Variants in ABCC9 observed in about 807,000 individuals in gnomAD.
ABCC9 encodes ATP-binding cassette sub-family C member 9.
A neutral mutation model predicts 188.3 loss-of-function variants in ABCC9; 95 were observed. The ratio of observed to expected loss-of-function variants is 0.50; its 90% confidence interval spans 0.43 to 0.60. The LOEUF (loss-of-function observed/expected upper bound fraction) is 0.60. Ranked by LOEUF, ABCC9 falls within the 20% of genes least tolerant of loss-of-function variation. ABCC9 has a pLI of 0.00. For missense variants in ABCC9, 1,102 were observed against 1,876.3 expected, an observed-to-expected ratio of 0.59 and a Z score of 7.62; for synonymous variants, 659 against 652.7, an observed-to-expected ratio of 1.01 and a Z score of -0.15.
In ABCC9 at chr12:21,875,665, C is replaced by T. The variant is rs267603424; in HGVS notation, c.2081G>A (p.Arg694Gln). 77 of 1,610,782 alleles carry T rather than the reference C, an allele frequency of 4.8e-5. No homozygotes were observed. In the South Asian group the frequency reaches 5.7e-4, roughly 12 times the overall value. Residue 694 changes from arginine to glutamine, a missense_variant, in exon 17 of 40, where the codon CGA (arginine) becomes CAA (glutamine). Around this residue, in one of 12 missense-constraint regions of ABCC9, gnomAD observed 258 missense variants for 325.6 expected, o/e 0.79. Coordinates refer to ENST00000261200, the MANE Select transcript of ABCC9 (RefSeq NM_020297.4). ...GLATLSNIDIRIPTGQLTMIV... is the reference protein window; with the variant it reads ...GLATLSNIDIQIPTGQLTMIV... ...CAGATAACTCTTACCTGTTGGAATT[C>T]GAATATCTATATTGGATAATGTAGC...
intron 12 of ABCC9, among the ~76,000 whole-genome samples, chr12:21,904,911 C>T (rs1947956040): frequency 6.6e-6 from 1 of 152,132 alleles, no homozygotes; most frequent in African/African-American, 2.4e-5. Context: ...CCATTTGACC[C>T]AGCAATCCCA....
At chr12:21,814,906 G>T (rs1942501045) in intron 34 of ABCC9, among the ~76,000 whole-genome samples, 184 bp from the exon 35 acceptor site, 1 of 152,016 alleles carries the variant, frequency 6.6e-6, no homozygotes, top group Non-Finnish European at 1.5e-5. Context: ...AAACAGGCTG[G>T]GCACAATGGC....
intron 39 of ABCC9, among the ~76,000 whole-genome samples, chr12:21,804,454 C>G (rs908022432): frequency 6.6e-6 from 1 of 152,188 alleles, no homozygotes; most frequent in African/African-American, 2.4e-5. Flanking sequence ...TCCAAAATAT[C>G]TCCCTACCTT....
At chr12:21,837,431 C>A (rs829071) in intron 30 of ABCC9, among the ~76,000 whole-genome samples, 147,556 of 152,236 alleles carry the variant, frequency 0.97, 71,686 homozygotes, top group East Asian at 1. Context: ...GATTTCAGAA[C>A]GTTATAACAC....
intron 24 of ABCC9, among the ~76,000 whole-genome samples, chr12:21,849,816 C>G (rs1459956208): frequency 6.6e-6 from 1 of 152,084 alleles, no homozygotes; most frequent in Admixed American, 6.6e-5. Context: ...TTAAATAATA[C>G]CAGTTTATTC....
intron 12 of ABCC9, among the ~76,000 whole-genome samples, chr12:21,901,188 C>T (rs1175181903): frequency 6.6e-6 from 1 of 152,134 alleles, no homozygotes; most frequent in East Asian, 1.9e-4. Context: ...CCCAGAATTT[C>T]ATATCCAGCC....
At chr12:21,814,230 C>A (rs1942451590) in intron 35 of ABCC9, among the ~76,000 whole-genome samples, 1 of 152,002 alleles carries the variant, frequency 6.6e-6, no homozygotes, top group Non-Finnish European at 1.5e-5. Context: ...AGTCATGTAC[C>A]AAAATTTAAA....
chr12:21,859,718 T>A, intron 21 of ABCC9, 52 bp from the exon 22 acceptor site: 2 of 1,460,360 alleles, frequency 1.4e-6, no homozygotes, highest in Non-Finnish European at 1.9e-6. Flanking sequence ...GTAAATGATC[T>A]TTTGGTAATA....
At chr12:21,888,907 C>G (rs1947007985) in intron 14 of ABCC9, among the ~76,000 whole-genome samples, 1 of 15,550 alleles carries the variant, frequency 6.4e-5, no homozygotes, top group African/African-American at 2.3e-4. Flanking sequence ...TAGGATGCAG[C>G]AAGTGGGAAA....
chr12:21,803,723 C>G (rs1941648480), intron 39 of ABCC9, among the ~76,000 whole-genome samples: 1 of 150,532 alleles, frequency 6.6e-6, no homozygotes, highest in Admixed American at 6.6e-5. Context: ...GGTTTTTATT[C>G]CATTAATCCA....
chr12:21,890,679 A>T (rs1446286632), intron 14 of ABCC9, among the ~76,000 whole-genome samples: 1 of 152,134 alleles, frequency 6.6e-6, no homozygotes, highest in African/African-American at 2.4e-5. Flanking sequence ...ACGGACATGG[A>T]TGAAACTGGA....
At chr12:21,811,050 C>T (rs529115363) in intron 36 of ABCC9, among the ~76,000 whole-genome samples, 3 of 152,166 alleles carry the variant, frequency 2.0e-5, no homozygotes, top group Middle Eastern at 3.4e-3. Context: ...AATTGTAATC[C>T]TCACGTGTCC....
intron 4 of ABCC9, among the ~76,000 whole-genome samples, 175 bp from the exon 5 acceptor site, chr12:21,926,238 G>C (rs1040021829): frequency 2.0e-5 from 3 of 152,140 alleles, no homozygotes; most frequent in African/African-American, 4.8e-5. Flanking sequence ...ACATCGTTCT[G>C]CGGAAACGAT....
chr12:21,932,359 C>T (rs1294070486), intron 4 of ABCC9, among the ~76,000 whole-genome samples: 1 of 151,892 alleles, frequency 6.6e-6, no homozygotes, highest in East Asian at 1.9e-4. Flanking sequence ...TAGGTATGAG[C>T]AAAGATTCCA....
At chr12:21,848,894 T>C (rs1944821309) in intron 24 of ABCC9, among the ~76,000 whole-genome samples, 1 of 152,144 alleles carries the variant, frequency 6.6e-6, no homozygotes, top group South Asian at 2.1e-4. Context: ...AAACAAACTT[T>C]GCAGATTTTT....
In ABCC9 at chr12:21,893,305, G is replaced by T. The variant is rs538364825; in HGVS notation, c.1802+727C>A. Among the ~76,000 whole-genome samples the T allele has an allele frequency of 1.2e-4, 18 of 152,176 alleles. No homozygotes were observed. The East Asian group carries it at 3.5e-3, about 29-fold the overall frequency. On this transcript the variant is annotated intron_variant, in intron 14 of 39. Transcript: ENST00000261200. ...ATTTAAATGAGCAAAATACAAAATG[G>T]TTTTACAATTCTTAACCATTTTCAG... is the stretch of plus-strand genomic sequence containing the variant.
chr12:21,881,971 A>C (rs1028746567), intron 16 of ABCC9, among the ~76,000 whole-genome samples: 23 of 152,098 alleles, frequency 1.5e-4, no homozygotes, highest in African/African-American at 5.1e-4. Flanking sequence ...ACTCAATCAC[A>C]TGTTTGTTCT....
intron 4 of ABCC9, among the ~76,000 whole-genome samples, chr12:21,927,744 GAT>G (rs1433228674): frequency 6.6e-6 from 1 of 152,168 alleles, no homozygotes; most frequent in Non-Finnish European, 1.5e-5. Context: ...CATGGTCAGT[GAT>G]ATAATTTGGA....
intron 12 of ABCC9, among the ~76,000 whole-genome samples, 161 bp from the exon 13 acceptor site, chr12:21,895,476 C>T (rs555084596): frequency 6.6e-6 from 1 of 152,302 alleles, no homozygotes; most frequent in East Asian, 1.9e-4. Context: ...CAGTTAATAT[C>T]TACTTGTGTG....
Sources: gnomAD v4.1 joint callset for allele counts (sites outside exome capture counted in the v4.1 genomes callset) on GRCh38, gnomAD v4.1.1 for gene constraint, gnomAD v4.1.1 regional missense constraint, MANE v1.5 for transcripts, NCBI Gene and HGNC (gene_info 2026-07-23, HGNC 2026-07-21) for gene names.